FRMD8: variants seen among roughly 807,000 people sequenced by gnomAD.
FRMD8 encodes FERM domain-containing protein 8.
In FRMD8, 37 loss-of-function variants were observed where a neutral mutation model predicts 54.2. The observed-to-expected ratio is 0.68, with a 90% CI of 0.53 to 0.90. The LOEUF is 0.90. Among genes scored for constraint, FRMD8 ranks in the 40% least tolerant of loss-of-function variants. The pLI, the probability that FRMD8 is intolerant of heterozygous loss-of-function variation, is 0.00. For synonymous variants in FRMD8, 246 were observed against 286.9 expected (o/e 0.86, Z 1.44); for missense variants, 585 against 653.7 (o/e 0.89, Z 1.15).
At chr11:65,396,355 T>G (rs1185697198) in intron 6 of FRMD8, among the ~76,000 whole-genome samples, 7 of 152,116 alleles carry the variant, frequency 4.6e-5, no homozygotes. Context: ...AGCCTTTGGC[T>G]TCAGACGGTG....
intron 9 of FRMD8, among the ~76,000 whole-genome samples, chr11:65,403,816 C>T (rs1856131374): frequency 6.6e-6 from 1 of 152,206 alleles, no homozygotes; most frequent in Admixed American, 6.5e-5. Flanking sequence ...GGCAGGCTTC[C>T]TGAGCCTCAG....
the FRMD8 span, among the ~76,000 whole-genome samples, chr11:65,374,770 C>T: frequency 3.3e-5 from 5 of 152,074 alleles, no homozygotes; most frequent in South Asian, 4.1e-4. Flanking sequence ...GAGTTCAAGA[C>T]GGCCTGGGCA....
chr11:65,382,013 C>G, upstream of FRMD8: 3 of 1,408,802 alleles, frequency 2.1e-6, no homozygotes, highest in Non-Finnish European at 3.0e-6. This position sits in a 1 kb window ranked among gnomAD's most constrained non-coding sequence, Gnocchi z 4.4. Context: ...TCCCCCCTCT[C>G]CCTCCCCTGG....
chr11:65,380,410 C>T, the FRMD8 span: 3 of 934,054 alleles, frequency 3.2e-6, no homozygotes, highest in Non-Finnish European at 4.8e-6. Context: ...CAGGCCCCAC[C>T]TGAGGATGCA....
chr11:65,410,115 C>T (rs1048774636), intron 10 of FRMD8, among the ~76,000 whole-genome samples: 1 of 152,052 alleles, frequency 6.6e-6, no homozygotes, highest in Non-Finnish European at 1.5e-5. Context: ...CCTGTAATCC[C>T]AGCACTTTGG....
chr11:65,380,161 C>A, the FRMD8 span: 1 of 1,614,188 alleles, frequency 6.2e-7, no homozygotes, highest in Admixed American at 1.7e-5. Context: ...TGTCCCAGGA[C>A]CAAGCCCAGA....
the FRMD8 span, among the ~76,000 whole-genome samples, chr11:65,368,957 C>T: frequency 4.6e-5 from 7 of 152,180 alleles, no homozygotes; most frequent in African/African-American, 1.4e-4. Context: ...AAGGGTTACA[C>T]GAATGAGAGT....
chr11:65,395,438 C>G (rs1217466767), intron 6 of FRMD8, among the ~76,000 whole-genome samples: 1 of 152,292 alleles, frequency 6.6e-6, no homozygotes, highest in Admixed American at 6.5e-5. Context: ...ACTCGGGAGG[C>G]TGAGGCAGGA....
chr11:65,396,556 C>G (rs1038413698), intron 6 of FRMD8, among the ~76,000 whole-genome samples: 1 of 152,188 alleles, frequency 6.6e-6, no homozygotes, highest in African/African-American at 2.4e-5. Flanking sequence ...CTCTCACCAG[C>G]TGTACAGCTG....
At chr11:65,376,018 C>T in the FRMD8 span, 12 of 200,026 alleles carry the variant, frequency 6.0e-5, no homozygotes, top group South Asian at 1.8e-4. Flanking sequence ...TGCAGTGAGC[C>T]GAGATCACGC....
At chr11:65,394,188 C>G (rs1179506218) in intron 5 of FRMD8, 71 bp from the exon 6 acceptor site, 2 of 1,596,326 alleles carry the variant, frequency 1.3e-6, no homozygotes, top group African/African-American at 1.3e-5. Context: ...CGCACCTTGC[C>G]CCAGCCCAAC....
At position 65,394,429 on chromosome 11, in the gene FRMD8, A is replaced by G. The variant is rs1855906540; in HGVS notation, c.581+4A>G. The G allele has an allele frequency of 9.6e-6, 15 of 1,564,270 alleles. No individual in the cohort carries two copies. Among genetic ancestry groups the G allele is most frequent in the Non-Finnish European group, 1.3e-5 (15 of 1,157,854 alleles). On this transcript the variant is annotated splice_donor_region_variant and intron_variant, in intron 6 of 10. Coordinates refer to ENST00000317568, the MANE Select transcript of FRMD8 (RefSeq NM_031904.5). ...GGCCGGCAGCCTGCGACCTGAGGTG[A>G]GGGCCTGTGTGACTTGAGGCGGGGG...
At chr11:65,401,133 G>A (rs1183069814) in intron 9 of FRMD8, among the ~76,000 whole-genome samples, 1 of 152,096 alleles carries the variant, frequency 6.6e-6, no homozygotes, top group East Asian at 1.9e-4. Flanking sequence ...GGCTTGCTGA[G>A]TGCTTTGAGA....
intron 7 of FRMD8, among the ~76,000 whole-genome samples, chr11:65,398,674 G>A (rs1856006209): frequency 6.6e-6 from 1 of 152,260 alleles, no homozygotes; most frequent in Non-Finnish European, 1.5e-5. Flanking sequence ...AACGGGTCTT[G>A]TAGTGGTTTT....
chr11:65,368,845 G>A, the FRMD8 span, among the ~76,000 whole-genome samples: 1 of 152,148 alleles, frequency 6.6e-6, no homozygotes, highest in Non-Finnish European at 1.5e-5. Flanking sequence ...TTACAGGCGT[G>A]AGCCACCACG....
the FRMD8 span, chr11:65,379,039 T>G: frequency 3.2e-6 from 1 of 317,104 alleles, no homozygotes; most frequent in South Asian, 3.3e-5. Context: ...TTCTCCAGGG[T>G]CAAAGGTCTC....
chr11:65,385,801 T>A (rs891497137), upstream of FRMD8, among the ~76,000 whole-genome samples: 10 of 132,312 alleles, frequency 7.6e-5, no homozygotes, highest in East Asian at 5.9e-4. Flanking sequence ...TATATATAAA[T>A]TTTTTTTTTT....
the FRMD8 span, chr11:65,377,571 G>T: frequency 4.9e-6 from 1 of 206,080 alleles, no homozygotes; most frequent in Non-Finnish European, 8.6e-6. Context: ...CACAAGGCCA[G>T]CCCCTCCTGC....
intron 7 of FRMD8, among the ~76,000 whole-genome samples, chr11:65,399,071 C>A (rs1450054882): frequency 6.7e-6 from 1 of 148,830 alleles, no homozygotes; most frequent in Non-Finnish European, 1.5e-5. Flanking sequence ...GATCTTGGCT[C>A]ACTGCGAGCT....
Sources: allele counts gnomAD v4.1 joint callset (sites outside exome capture counted in the v4.1 genomes callset), GRCh38; gene constraint gnomAD v4.1.1; non-coding constraint Gnocchi (gnomAD v3.1); transcripts MANE v1.5; gene names NCBI Gene and HGNC (gene_info 2026-07-23, HGNC 2026-07-21).